The following CUTC variants were observed in gnomAD, a reference collection of about 807,000 sequenced individuals.
CUTC encodes the protein copper homeostasis protein cutC homolog.
Under a neutral mutation model 36.2 loss-of-function variants are expected in CUTC, and 27 were observed. The ratio of observed to expected loss-of-function variants is 0.75; its 90% CI spans 0.55 to 1.03. The LOEUF is 1.03. Among genes scored for constraint, CUTC ranks in the 50% least tolerant of loss-of-function variants. The probability of loss-of-function intolerance (pLI) is 0.00; values close to 1 mark genes in which losing one functional copy is unlikely to be tolerated. For missense variants in CUTC, 315 were observed against 343.5 expected (o/e 0.92, Z 0.66); for synonymous variants, 114 against 118.3 (o/e 0.96, Z 0.24).
chr10:99,735,477 G>A (rs2037289208), intron 1 of CUTC, among the ~76,000 whole-genome samples: 1 of 152,108 alleles, frequency 6.6e-6, no homozygotes, highest in South Asian at 2.1e-4. Flanking sequence ...GCACAATCTT[G>A]GCTCACTGCA....
intron 7 of CUTC, among the ~76,000 whole-genome samples, chr10:99,751,378 G>A (rs549659300): frequency 1.3e-5 from 2 of 152,288 alleles, no homozygotes; most frequent in East Asian, 3.9e-4. Context: ...TGTTTTTAGA[G>A]ATGAGGTCTT....
At chr10:99,753,236 T>G (rs1194725478) in intron 7 of CUTC, among the ~76,000 whole-genome samples, 2 of 152,188 alleles carry the variant, frequency 1.3e-5, no homozygotes, top group African/African-American at 2.4e-5. Context: ...ATAATATATT[T>G]GTCTCTTAAT....
intron 3 of CUTC, among the ~76,000 whole-genome samples, chr10:99,742,269 A>G (rs760553705): frequency 6.6e-6 from 1 of 152,112 alleles, no homozygotes; most frequent in Non-Finnish European, 1.5e-5. Context: ...TGTCTTGGCC[A>G]AAAGCAGAAG....
rs530471887 is a variant in CUTC, at chr10:99,746,514, A to C, written c.440-743A>C. ...CACTTGTACCCCTGAACTTAAAAAA[A>C]AGTTAAAAAAAAGTAAATTTATTTT... On this transcript the variant is annotated intron_variant, in intron 5 of 8. Coordinates refer to ENST00000370476, the MANE Select transcript of CUTC (RefSeq NM_015960.3). Among the ~76,000 whole-genome samples, 6 of 152,346 alleles carry C rather than the reference A, an allele frequency of 3.9e-5. No homozygotes were observed. The East Asian group carries it at 9.6e-4, about 24-fold the overall frequency.
chr10:99,749,950 G>T (rs1014634473), intron 6 of CUTC, among the ~76,000 whole-genome samples: 4 of 152,050 alleles, frequency 2.6e-5, no homozygotes, highest in African/African-American at 9.7e-5. Context: ...TATCCTCAGG[G>T]TTTGTTATTG....
chr10:99,752,181 C>T (rs868124308), intron 7 of CUTC, among the ~76,000 whole-genome samples: 11 of 151,842 alleles, frequency 7.2e-5, no homozygotes, highest in Non-Finnish European at 5.9e-5. Context: ...AAAAAGAGGC[C>T]GTGAACCTGG....
At chr10:99,754,500 C>G in intron 7 of CUTC, 29 bp from the exon 8 acceptor site, 1 of 1,374,846 alleles carries the variant, frequency 7.3e-7, no homozygotes, top group African/African-American at 1.4e-5. Flanking sequence ...TTCTATTTTA[C>G]TTAATGTGTT....
intron 5 of CUTC, among the ~76,000 whole-genome samples, chr10:99,746,777 T>C: frequency 6.6e-6 from 1 of 152,096 alleles, no homozygotes; most frequent in Non-Finnish European, 1.5e-5. Flanking sequence ...ATTAATTAAA[T>C]TTTTATTTTT....
At chr10:99,744,906 C>G (rs12411461) in intron 5 of CUTC, among the ~76,000 whole-genome samples, 1,961 of 152,308 alleles carry the variant, frequency 0.013, 40 homozygotes, top group Admixed American at 0.052. Context: ...GCGCCTGCCA[C>G]CATGCCCAGC....
chr10:99,739,684 T>G (rs751335589), intron 2 of CUTC, 26 bp from the exon 3 acceptor site: 4 of 1,603,226 alleles, frequency 2.5e-6, no homozygotes, highest in Non-Finnish European at 2.6e-6. Context: ...TTTAAAAATG[T>G]GTTGAGCAAT....
At chr10:99,755,228 C>A (rs2037446107) in intron 8 of CUTC, among the ~76,000 whole-genome samples, 1 of 152,038 alleles carries the variant, frequency 6.6e-6, no homozygotes, top group African/African-American at 2.4e-5. Context: ...TGGCTCACAC[C>A]TGTAATCCCA....
At chr10:99,732,872 C>G (rs2037232337) in intron 1 of CUTC, among the ~76,000 whole-genome samples, 1 of 152,170 alleles carries the variant, frequency 6.6e-6, no homozygotes, top group South Asian at 2.1e-4. Context: ...GAGCTTGTGG[C>G]TGCTCCAAGA....
At chr10:99,738,006 C>T (rs1309742842) in intron 2 of CUTC, among the ~76,000 whole-genome samples, 2 of 151,930 alleles carry the variant, frequency 1.3e-5, no homozygotes, top group South Asian at 4.2e-4. Flanking sequence ...ATTAGCTGGG[C>T]GTGGTAGTGC....
chr10:99,743,105 T>G, intron 3 of CUTC, 48 bp from the exon 4 acceptor site: 1 of 1,568,120 alleles, frequency 6.4e-7, no homozygotes, highest in Non-Finnish European at 8.8e-7. Context: ...AATATATCAT[T>G]GGCTTTTAGC....
intron 5 of CUTC, among the ~76,000 whole-genome samples, chr10:99,746,465 G>A (rs1394139874): frequency 6.6e-6 from 1 of 151,678 alleles, no homozygotes; most frequent in African/African-American, 2.4e-5. Context: ...CCCAAGACAC[G>A]GGTTTATCTG....
intron 5 of CUTC, among the ~76,000 whole-genome samples, chr10:99,746,348 T>C (rs1402720699): frequency 6.6e-6 from 1 of 151,932 alleles, no homozygotes; most frequent in African/African-American, 2.4e-5. Context: ...CAACACACAC[T>C]GGGGCCTTTC....
At chr10:99,735,562 G>C (rs754088571) in intron 1 of CUTC, among the ~76,000 whole-genome samples, 2 of 151,992 alleles carry the variant, frequency 1.3e-5, no homozygotes, top group African/African-American at 4.8e-5. Flanking sequence ...CGCATGCCAC[G>C]ATGCCTGGCT....
At chr10:99,749,308 C>CAGCAAAGCTGAGGT (rs2037400427) in intron 6 of CUTC, among the ~76,000 whole-genome samples, 3 of 152,188 alleles carry the variant, frequency 2.0e-5, no homozygotes, top group Admixed American at 2.0e-4. Flanking sequence ...TCCTAAACCT[C>CAGCAAAGCTGAGGT]AGCTTTGCTC....
chr10:99,738,384 T>G, intron 2 of CUTC, among the ~76,000 whole-genome samples: 1 of 114,374 alleles, frequency 8.7e-6, no homozygotes, highest in Admixed American at 9.4e-5. Flanking sequence ...AGTTGACTCA[T>G]ACAGGGTGTG....
Sources: allele counts gnomAD v4.1 joint callset (sites outside exome capture counted in the v4.1 genomes callset), GRCh38; gene constraint gnomAD v4.1.1; transcripts MANE v1.5; gene names NCBI Gene and HGNC (gene_info 2026-07-23, HGNC 2026-07-21).